FZD4: variants seen among roughly 807,000 people sequenced by gnomAD.
The protein encoded by FZD4 is frizzled class receptor 4, also known as frizzled-4.
Under a neutral mutation model 37.3 loss-of-function variants are expected in FZD4, and 16 were observed. The ratio of observed to expected loss-of-function variants is 0.43; its 90% CI spans 0.29 to 0.65. The LOEUF (loss-of-function observed/expected upper bound fraction) is 0.65, where lower values mean the gene tolerates loss of function less well. Ranked by LOEUF, FZD4 falls within the 30% of genes least tolerant of loss-of-function variation. The probability of loss-of-function intolerance (pLI) is 0.16; values close to 1 mark genes in which losing one functional copy is unlikely to be tolerated. For synonymous variants in FZD4, 246 were observed against 254.8 expected, an observed-to-expected ratio of 0.97 and a Z score of 0.33; for missense variants, 599 against 674.3, an observed-to-expected ratio of 0.89 and a Z score of 1.24.
chr11:86,953,296 C>T (rs779569153), intron 1 of FZD4, among the ~76,000 whole-genome samples: 18 of 152,144 alleles, frequency 1.2e-4, no homozygotes, highest in Non-Finnish European at 2.4e-4. Context: ...ACAGCTTGGC[C>T]GCTTTCCCCA....
chr11:86,953,666 G>C (rs1309337510), intron 1 of FZD4, among the ~76,000 whole-genome samples: 2 of 151,830 alleles, frequency 1.3e-5, no homozygotes, highest in African/African-American at 4.8e-5. Flanking sequence ...GCCCAGGCTA[G>C]AGTGCAATGG....
At position 86,954,534 on chromosome 11, in the gene FZD4, G is replaced by A. The variant is rs1488730442; in HGVS notation, c.285+267C>T. 6.1e-6 allele frequency: 6 copies of A among 985,222 alleles called. No individual in the cohort carries two copies. In the East Asian group the frequency reaches 5.7e-4, roughly 93 times the overall value. 61.0% of individuals were successfully genotyped at this position (985,222 alleles called of 1,614,324 possible). A position where few individuals can be genotyped will look rare whatever the true frequency, so the allele number is the denominator to read the frequency against. On this transcript the variant is annotated intron_variant, in intron 1 of 1. Coordinates refer to ENST00000531380, the MANE Select transcript of FZD4 (RefSeq NM_012193.4). ...GCAGAGATAACCCTCAGCTCCACTG[G>A]GGTTAGGGGTCTGGGCCAGACATGG...
In FZD4 at chr11:86,948,371, G is replaced by A. The variant is rs562422038; in HGVS notation, c.*2771C>T. On this transcript the variant is annotated 3_prime_UTR_variant, in exon 2 of 2. Transcript: ENST00000531380. ...CTATTTCAGGGCTTTACTACAGTCG[G>A]CACTCAATAAATAAAATAACTGATT... The A allele has an allele frequency of 6.6e-6, 1 of 151,788 alleles. No individual in the cohort carries two copies. The highest frequency in any genetic ancestry group is 1.5e-5 in the Non-Finnish European group (1 of 67,966). 9.4% of individuals were successfully genotyped at this position (151,788 alleles called of 1,614,324 possible). A position where few individuals can be genotyped will look rare whatever the true frequency, so the allele number is the denominator to read the frequency against.
rs1252071666 is a variant in FZD4, at chr11:86,951,381, T to G, written c.1375A>C (p.Ile459Leu). 2.5e-6 allele frequency: 4 copies of G among 1,613,866 alleles called. No homozygotes were observed. The highest frequency in any genetic ancestry group is 3.4e-6 in the Non-Finnish European group (4 of 1,179,906). ...TACCGAAAAAGTGCCCAGTTGGAGA[T>G]TTCATAAAAATAACAGGCAATCACA... is the stretch of plus-strand genomic sequence containing the variant. ...TCVIACYFYE[I>L]SNWALFRYSA... Residue 459 changes from isoleucine (I) to leucine (L), a missense_variant, in exon 2 of 2, where the codon ATC becomes CTC. Coordinates refer to ENST00000531380, the MANE Select transcript of FZD4 (RefSeq NM_012193.4).
At chr11:86,954,125 T>C (rs1949316750) in intron 1 of FZD4, 1 of 408,082 alleles carries the variant, frequency 2.5e-6, no homozygotes, top group South Asian at 1.0e-4. Context: ...TTCTTATTAC[T>C]GTGGAATAAA....
chr11:86,954,079 T>C (rs1443836525), intron 1 of FZD4: 1 of 214,806 alleles, frequency 4.7e-6, no homozygotes, highest in Non-Finnish European at 8.0e-6. Flanking sequence ...ATAAATTTTT[T>C]ATTTTGCAGG....
Position 86,950,580 on chromosome 11 carries a change from T to C in FZD4, c.*562A>G, listed in dbSNP as rs2135038697. The C allele has an allele frequency of 6.0e-6, 1 of 167,218 alleles. No individual in the cohort carries two copies. The highest frequency in any genetic ancestry group is 1.6e-4 in the East Asian group (1 of 6,354). The allele number at this position is 167,218 out of a possible 1,614,324, so 10.4% of individuals were successfully genotyped here. A position where few individuals can be genotyped will look rare whatever the true frequency, so the allele number is the denominator to read the frequency against. ...AGATTCTAACACCACTTCTTGGGAG[T>C]GCAGTCCACAAAGTTCTAAACAGCA... On this transcript the variant is annotated 3_prime_UTR_variant, in exon 2 of 2. Coordinates refer to ENST00000531380, the MANE Select transcript of FZD4 (RefSeq NM_012193.4).
At chr11:86,954,705 G>A (rs1949321034) in intron 1 of FZD4, 96 bp downstream of exon 1, 1 of 1,478,030 alleles carries the variant, frequency 6.8e-7, no homozygotes, top group Non-Finnish European at 9.0e-7. Flanking sequence ...TGTCTCCTTC[G>A]GGCTAGGATG....
intron 1 of FZD4, chr11:86,954,596 G>C: frequency 1.0e-6 from 1 of 985,422 alleles, no homozygotes; most frequent in Non-Finnish European, 1.2e-6. Flanking sequence ...CGGGGTGTAA[G>C]AGTGGGTTCT....
intron 1 of FZD4, chr11:86,954,580 G>A (rs977401790): frequency 7.1e-6 from 7 of 985,278 alleles, no homozygotes; most frequent in Admixed American, 6.2e-5. Flanking sequence ...GAGAAAAACG[G>A]AAGGGCGGGG....
chr11:86,952,334 T>G lies in FZD4; in HGVS notation c.422A>C (p.Glu141Ala). Residue 141 changes from glutamate (E) to alanine (A), a missense_variant, in exon 2 of 2, where the codon GAG becomes GCG. By Grantham distance (107) the Glu-to-Ala change is moderately radical. Around this residue, in one of 3 missense-constraint regions of FZD4, gnomAD observed 357 missense variants for 396.1 expected, o/e 0.90. Coordinates refer to ENST00000531380, the MANE Select transcript of FZD4 (RefSeq NM_012193.4). ...TGGGAATTTGCTGCAGTTCAGACTC[T>G]CTGGCCAGGCAAATCCAAATTCCTT... ...VLKEFGFAWPESLNCSKFPPQ... is the reference protein window; with the variant it reads ...VLKEFGFAWPASLNCSKFPPQ... The G allele has an allele frequency of 6.2e-7, 1 of 1,614,220 alleles. No individual in the cohort carries two copies. The highest frequency in any genetic ancestry group is 2.2e-5 in the East Asian group (1 of 44,886).
At position 86,947,696 on chromosome 11, in the gene FZD4, A is replaced by G. The variant is rs1440165529; in HGVS notation, c.*3446T>C. 6.6e-6 allele frequency: 1 copy of G among 152,254 alleles called. No individual in the cohort carries two copies. The highest frequency in any genetic ancestry group is 1.5e-5 in the Non-Finnish European group (1 of 68,128). The allele number at this position is 152,254 out of a possible 1,614,324, so 9.4% of individuals were successfully genotyped here. On this transcript the variant is annotated 3_prime_UTR_variant, in exon 2 of 2. Transcript: ENST00000531380. Reference sequence around the variant, plus strand: ...AATGGGTCTCCATAAAGGAAAGAGGATATGAATCAACCAAGTAGCTCAAGC... The same window carrying G: ...AATGGGTCTCCATAAAGGAAAGAGGGTATGAATCAACCAAGTAGCTCAAGC...
At position 86,951,609 on chromosome 11, in the gene FZD4, T is replaced by A; in HGVS notation, c.1147A>T (p.Asn383Tyr). 6.2e-7 allele frequency: 1 copy of A among 1,614,126 alleles called. No homozygotes were observed. Among genetic ancestry groups the A allele is most frequent in the Non-Finnish European group, 8.5e-7 (1 of 1,180,012 alleles). The part of the protein sequence containing the change: ...LTGLCYVGNQ[N>Y]LDALTGFVVA... ...ACGAACCCGGTGAGGGCATCGAGAT[T>A]TTGGTTTCCAACATAGCACAAGCCA... Residue 383 changes from asparagine (N) to tyrosine (Y), a missense_variant, in exon 2 of 2, where the codon AAT becomes TAT. By Grantham distance (143) the Asn-to-Tyr change is moderately radical. Coordinates refer to ENST00000531380, the MANE Select transcript of FZD4 (RefSeq NM_012193.4).
chr11:86,955,047 C>A lies in FZD4; in HGVS notation c.39G>T (p.Ala13=). Residue 13 remains alanine, a synonymous_variant, in exon 1 of 2, where the codon GCG becomes GCT. Coordinates refer to ENST00000531380, the MANE Select transcript of FZD4 (RefSeq NM_012193.4). ...CCAGACTGAGACCGACGCCCCCGGGCGCCCCCGGGACGCTCGGCCCTGCGC... is the reference window on the plus strand; with the variant it reads ...CCAGACTGAGACCGACGCCCCCGGGAGCCCCCGGGACGCTCGGCCCTGCGC... ...WRGAGPSVPG[A]PGGVGLSLGL... is the part of the protein sequence containing the mutation. 6.2e-7 allele frequency: 1 copy of A among 1,604,644 alleles called. No homozygotes were observed. The highest frequency in any genetic ancestry group is 1.1e-5 in the South Asian group (1 of 90,142).
rs752642111 is a variant in FZD4 at position 86,951,679 on chromosome 11, G to A, written c.1077C>T (p.Thr359=). Residue 359 remains threonine, a synonymous_variant, in exon 2 of 2, where the codon ACC becomes ACT. Transcript: ENST00000531380. ...CCAGTCTCATAATCAAGATGACAAT[G>A]GTTTTCACTGCGGGGATGGCCCAGG... ...IAAWAIPAVK[T]IVILIMRLVD... 1 of 1,614,086 alleles carries A rather than the reference G, an allele frequency of 6.2e-7. No individual in the cohort carries two copies. Among genetic ancestry groups the A allele is most frequent in the East Asian group, 2.2e-5 (1 of 44,884 alleles).
In FZD4 at chr11:86,951,204, T is replaced by C. The variant is rs1329129995; in HGVS notation, c.1552A>G (p.Lys518Glu). The change falls in exon 2 of 2, where the codon AAG becomes GAG. Residue 518 changes from lysine to glutamate, a missense_variant. Lys to Glu is a moderately conservative substitution (Grantham distance 56, BLOSUM62 1). Coordinates refer to ENST00000531380, the MANE Select transcript of FZD4 (RefSeq NM_012193.4). ...SNRLVNSGKVKREKRGNGWVK... is the reference protein window; with the variant it reads ...SNRLVNSGKVEREKRGNGWVK... Reference sequence around the variant, plus strand: ...CAACCATTTCCTCTCTTCTCTCTCTTTACCTTTCCAGAATTCACCAATCTG... The same window carrying C: ...CAACCATTTCCTCTCTTCTCTCTCTCTACCTTTCCAGAATTCACCAATCTG... 1.9e-6 allele frequency: 3 copies of C among 1,614,024 alleles called. No homozygotes were observed. The highest frequency in any genetic ancestry group is 2.2e-5 in the East Asian group (1 of 44,892).
Position 86,951,427 on chromosome 11 carries a change from C to T in FZD4, c.1329G>A (p.Leu443=), listed in dbSNP as rs777994800. 6.2e-7 allele frequency: 1 copy of T among 1,612,604 alleles called. No homozygotes were observed. Among genetic ancestry groups the T allele is most frequent in the Non-Finnish European group, 8.5e-7 (1 of 1,178,570 alleles). Residue 443 remains leucine (L), a synonymous_variant, in exon 2 of 2, where the codon CTG becomes CTA. Transcript: ENST00000531380. ...LMVKIGVFSV[L]YTVPATCVIA... Reference sequence around the variant, plus strand: ...TCACACACGTTGCAGGAACTGTGTACAGTACTGAGAACACCCCAATCTTGA... The same window carrying T: ...TCACACACGTTGCAGGAACTGTGTATAGTACTGAGAACACCCCAATCTTGA...
At chr11:86,954,654 G>A (rs900890511) in intron 1 of FZD4, 147 bp downstream of exon 1, 1 of 1,437,172 alleles carries the variant, frequency 7.0e-7, no homozygotes, top group African/African-American at 1.4e-5. Flanking sequence ...CAGTCCCTGA[G>A]AAAGTGGGGG....
rs562688071 is a variant in FZD4 at position 86,945,833 on chromosome 11, A to G, written c.*5309T>C. On this transcript the variant is annotated 3_prime_UTR_variant, in exon 2 of 2. Transcript: ENST00000531380. ...GGGTCCATTTCCTTTGAAATTTAGC[A>G]ATTCATTCAGGGCATGTGTAGCAGG... is the stretch of plus-strand genomic sequence containing the variant. 5.0e-4 allele frequency: 77 copies of G among 152,716 alleles called. 1 individual carries two copies. Among genetic ancestry groups the G allele is most frequent in the African/African-American group, 1.7e-3 (72 of 41,562 alleles). 9.5% of individuals were successfully genotyped at this position (152,716 alleles called of 1,614,324 possible). A position where few individuals can be genotyped will look rare whatever the true frequency, so the allele number is the denominator to read the frequency against.
Sources: gnomAD v4.1 joint callset for allele counts (sites outside exome capture counted in the v4.1 genomes callset) on GRCh38, gnomAD v4.1.1 for gene constraint, gnomAD v4.1.1 regional missense constraint, MANE v1.5 for transcripts, NCBI Gene and HGNC (gene_info 2026-07-23, HGNC 2026-07-21) for gene names.